Variants in WDPCP observed in about 807,000 individuals in gnomAD.
WDPCP encodes WD repeat-containing and planar cell polarity effector protein fritz homolog.
In WDPCP, 71 loss-of-function variants were observed where a neutral mutation model predicts 93.1. The observed-to-expected ratio is 0.76, with a 90% confidence interval of 0.63 to 0.93. The LOEUF (loss-of-function observed/expected upper bound fraction) is 0.93, where lower values mean the gene tolerates loss of function less well. WDPCP is among the 40% of genes least tolerant of loss of function. The probability of loss-of-function intolerance (pLI) is 0.00; values close to 1 mark genes in which losing one functional copy is unlikely to be tolerated. For synonymous variants in WDPCP, 315 were observed against 315.0 expected, an observed-to-expected ratio of 1.00 and a Z score of 0.00; for missense variants, 844 against 887.4, an observed-to-expected ratio of 0.95 and a Z score of 0.62.
chr2:63,451,523 G>A (rs1455322661), intron 6 of WDPCP, among the ~76,000 whole-genome samples: 3 of 152,128 alleles, frequency 2.0e-5, no homozygotes, highest in Non-Finnish European at 4.4e-5. Flanking sequence ...ATACAAGGAG[G>A]AGCTGGTACC....
At chr2:63,403,916 A>C in intron 10 of WDPCP, 132 bp downstream of exon 10, 1 of 1,273,586 alleles carries the variant, frequency 7.9e-7, no homozygotes. Flanking sequence ...AACTATATGG[A>C]TATTTGAAAG....
At chr2:63,235,675 G>T (rs1368342577) in intron 14 of WDPCP, among the ~76,000 whole-genome samples, 6 of 152,028 alleles carry the variant, frequency 3.9e-5, no homozygotes, top group Non-Finnish European at 8.8e-5. Context: ...TTATTTCTGG[G>T]ATGCAAGGTT....
chr2:63,805,190 TA>T (rs1558914927), intron 2 of WDPCP, among the ~76,000 whole-genome samples: 1 of 152,140 alleles, frequency 6.6e-6, no homozygotes, highest in African/African-American at 2.4e-5. Flanking sequence ...AATCAAGAAG[TA>T]GATGTACTTT....
At chr2:63,580,173 G>A (rs1295035216) in intron 1 of WDPCP, among the ~76,000 whole-genome samples, 1 of 152,184 alleles carries the variant, frequency 6.6e-6, no homozygotes, top group East Asian at 1.9e-4. Flanking sequence ...AACAAAGGCA[G>A]ATGAGAAGGA....
chr2:63,673,982 C>T (rs1320680105), intron 2 of WDPCP, among the ~76,000 whole-genome samples: 1 of 152,190 alleles, frequency 6.6e-6, no homozygotes, highest in Admixed American at 6.5e-5. Context: ...GCTTTATTGG[C>T]TCCCAGGTCT....
intron 2 of WDPCP, chr2:63,752,480 C>T (rs1479496965): frequency 9.0e-6 from 7 of 777,976 alleles, no homozygotes; most frequent in African/African-American, 5.1e-5. Flanking sequence ...GCCCCTGGAG[C>T]GCTTGGTGTT....
chr2:63,795,397 G>A (rs1182384858), intron 2 of WDPCP, among the ~76,000 whole-genome samples: 2 of 151,920 alleles, frequency 1.3e-5, no homozygotes, highest in Non-Finnish European at 2.9e-5. Flanking sequence ...CAGGTGCAGT[G>A]GTGCACATCT....
chr2:63,764,587 T>C lies in WDPCP; in HGVS notation n.308+49035A>G, dbSNP rs1279806828. Among the ~76,000 whole-genome samples the C allele has an allele frequency of 2.0e-5, 3 of 152,136 alleles. No homozygotes were observed. The East Asian group carries it at 5.8e-4, about 29-fold the overall frequency. ...TATGGTAAGTGATTAAAAAAGCACA[T>C]TAAATATAAATGGATTGAAATGTGA... On this transcript the variant is annotated intron_variant and non_coding_transcript_variant, in intron 2 of 4. Transcript: ENST00000467687.
At chr2:63,738,554 G>A (rs1036616453) in intron 2 of WDPCP, among the ~76,000 whole-genome samples, 17 of 151,980 alleles carry the variant, frequency 1.1e-4, no homozygotes, top group Admixed American at 2.6e-4. Context: ...GTCACTTTTA[G>A]AATTAAATGG....
intron 2 of WDPCP, among the ~76,000 whole-genome samples, chr2:63,793,870 TTGTG>T (rs35714297): frequency 0.022 from 3,183 of 145,294 alleles, 46 homozygotes; most frequent in African/African-American, 0.048. Flanking sequence ...AGTACTTACA[TTGTG>T]TGTGTGTGTG....
chr2:63,835,401 A>G, the WDPCP span, among the ~76,000 whole-genome samples: 1 of 151,062 alleles, frequency 6.6e-6, no homozygotes. Context: ...AAAAAAAAAA[A>G]AAAAAAAAAA....
chr2:63,287,218 G>A (rs1203229196), intron 13 of WDPCP, among the ~76,000 whole-genome samples: 1 of 151,794 alleles, frequency 6.6e-6, no homozygotes, highest in Non-Finnish European at 1.5e-5. Flanking sequence ...TCCAAATATA[G>A]TCACATTGAA....
chr2:63,784,030 T>C (rs1670435485), intron 2 of WDPCP, among the ~76,000 whole-genome samples: 1 of 152,234 alleles, frequency 6.6e-6, no homozygotes, highest in Admixed American at 6.5e-5. Context: ...GTAACCTTTA[T>C]TCATTGGATT....
intron 14 of WDPCP, among the ~76,000 whole-genome samples, chr2:63,219,184 C>T (rs978067322): frequency 1.9e-4 from 29 of 152,190 alleles, no homozygotes; most frequent in African/African-American, 7.0e-4. Context: ...GAATTCACCT[C>T]TGGGCATTAA....
intron 2 of WDPCP, among the ~76,000 whole-genome samples, chr2:63,706,520 G>T (rs1477996562): frequency 6.7e-6 from 1 of 148,682 alleles, no homozygotes; most frequent in Non-Finnish European, 1.5e-5. Flanking sequence ...GCATTTGCTT[G>T]TCTGTAAAGT....
At chr2:63,762,977 C>T (rs1212325161) in intron 2 of WDPCP, among the ~76,000 whole-genome samples, 1 of 152,120 alleles carries the variant, frequency 6.6e-6, no homozygotes, top group Admixed American at 6.5e-5. Context: ...CTCCAGTATA[C>T]CAGACCTGTT....
chr2:63,163,059 T>C (rs1192108818), intron 15 of WDPCP, among the ~76,000 whole-genome samples: 1 of 152,214 alleles, frequency 6.6e-6, no homozygotes, highest in East Asian at 1.9e-4. Flanking sequence ...TCCTTCCAGC[T>C]TTTCTTGAGA....
intron 1 of WDPCP, among the ~76,000 whole-genome samples, chr2:63,567,944 A>C (rs1347590188): frequency 6.6e-6 from 1 of 152,226 alleles, no homozygotes; most frequent in African/African-American, 2.4e-5. Flanking sequence ...ATGTCTTTGA[A>C]TTTAGAATAG....
intron 6 of WDPCP, chr2:63,442,961 C>G (rs998560941): frequency 2.0e-5 from 3 of 152,052 alleles, no homozygotes; most frequent in African/African-American, 4.8e-5. Context: ...GTCATGGAGC[C>G]AAAAGCATGC....
Sources: allele counts gnomAD v4.1 joint callset (sites outside exome capture counted in the v4.1 genomes callset), GRCh38; gene constraint gnomAD v4.1.1; transcripts MANE v1.5; gene names NCBI Gene and HGNC (gene_info 2026-07-23, HGNC 2026-07-21).